Variants in LRRC4C observed in about 807,000 individuals in gnomAD.
The protein encoded by LRRC4C is leucine rich repeat containing 4C.
LRRC4C carries 5 observed loss-of-function variants against 33.6 expected under a neutral mutation model. The ratio of observed to expected loss-of-function variants is 0.15; its 90% CI spans 0.08 to 0.31. The LOEUF (loss-of-function observed/expected upper bound fraction) is 0.31, where lower values mean the gene tolerates loss of function less well. Among genes scored for constraint, LRRC4C ranks in the 10% least tolerant of loss-of-function variants. The pLI, the probability that LRRC4C is intolerant of heterozygous loss-of-function variation, is 1.00. For missense variants in LRRC4C, 560 were observed against 796.7 expected, an observed-to-expected ratio of 0.70 and a Z score of 3.58; for synonymous variants, 329 against 302.0, an observed-to-expected ratio of 1.09 and a Z score of -0.93.
At chr11:40,315,395 A>C (rs1048920467) in intron 4 of LRRC4C, among the ~76,000 whole-genome samples, 1 of 151,924 alleles carries the variant, frequency 6.6e-6, no homozygotes, top group South Asian at 2.1e-4. Flanking sequence ...TTTTAAAACA[A>C]GGAAATATTA....
At chr11:40,390,777 C>A (rs1949303743) in intron 3 of LRRC4C, among the ~76,000 whole-genome samples, 1 of 152,140 alleles carries the variant, frequency 6.6e-6, no homozygotes, top group Non-Finnish European at 1.5e-5. Flanking sequence ...CAGATTCCTG[C>A]CTGCCAAGTG....
chr11:40,556,043 C>A (rs1003185527), intron 3 of LRRC4C, among the ~76,000 whole-genome samples: 1 of 152,116 alleles, frequency 6.6e-6, no homozygotes, highest in Non-Finnish European at 1.5e-5. Context: ...GGTCTTTAGA[C>A]TTTCCTCCAA....
In LRRC4C at chr11:40,432,465, G is replaced by T. The variant is rs570829155; in HGVS notation, c.-269-112744C>A. ...AGAAGCCATTTCATGTTCTCCCTTT[G>T]GTTCTTAACGTATTGCTAAAACTAC... is the stretch of plus-strand genomic sequence containing the variant. On this transcript the variant is annotated intron_variant, in intron 3 of 6. Coordinates refer to ENST00000528697, the MANE Select transcript of LRRC4C (RefSeq NM_001258419.2). Among the ~76,000 whole-genome samples, 290 of 152,234 alleles carry T rather than the reference G, an allele frequency of 1.9e-3. 2 individuals carry two copies. Among genetic ancestry groups the T allele is most frequent in the South Asian group, 0.017 (81 of 4,830 alleles).
At chr11:41,372,065 A>G (rs2137794537) in intron 1 of LRRC4C, among the ~76,000 whole-genome samples, 1 of 152,334 alleles carries the variant, frequency 6.6e-6, no homozygotes, top group South Asian at 2.1e-4. Flanking sequence ...TGAACCCCGG[A>G]GGCAGAAATT....
At chr11:40,241,372 A>T (rs569949057) in intron 5 of LRRC4C, 147 bp downstream of exon 5, 2 of 152,106 alleles carry the variant, frequency 1.3e-5, no homozygotes, top group South Asian at 4.2e-4. Context: ...ACACAACAAA[A>T]CCCTGTCTCA....
At chr11:41,328,862 G>T (rs1159802696) in intron 1 of LRRC4C, among the ~76,000 whole-genome samples, 1 of 152,090 alleles carries the variant, frequency 6.6e-6, no homozygotes, top group Non-Finnish European at 1.5e-5. Context: ...TCATCTTGTG[G>T]TTTGGACATT....
At chr11:41,347,335 A>G (rs1252752465) in intron 1 of LRRC4C, among the ~76,000 whole-genome samples, 1 of 152,188 alleles carries the variant, frequency 6.6e-6, no homozygotes, top group South Asian at 2.1e-4. Context: ...AAGTTAATAC[A>G]GGCATTTAAG....
chr11:41,301,016 G>T (rs1476370912), intron 1 of LRRC4C, among the ~76,000 whole-genome samples: 2 of 152,030 alleles, frequency 1.3e-5, no homozygotes, highest in East Asian at 3.9e-4. Context: ...ATTTTTGTTT[G>T]GATATTAAAA....
chr11:40,240,496 T>A (rs1237565171), intron 5 of LRRC4C, among the ~76,000 whole-genome samples: 2 of 152,154 alleles, frequency 1.3e-5, no homozygotes, highest in African/African-American at 4.8e-5. Context: ...TACTCTTGAA[T>A]CTTTTGCCTT....
rs113562594 is a variant in LRRC4C, at chr11:40,346,351, A to G, written c.-269-26630T>C. Among the ~76,000 whole-genome samples, 22 of 152,346 alleles carry G rather than the reference A, an allele frequency of 1.4e-4. No individual in the cohort carries two copies. The South Asian group carries it at 3.9e-3, about 27-fold the overall frequency. ...AAAGAAAATGTGATACATATACACC[A>G]TAGAATACTGTGCAGCCATAAAAAT... On this transcript the variant is annotated intron_variant, in intron 3 of 6. Transcript: ENST00000528697.
At chr11:40,861,548 A>C (rs886572888) in intron 2 of LRRC4C, among the ~76,000 whole-genome samples, 5 of 152,200 alleles carry the variant, frequency 3.3e-5, no homozygotes, top group African/African-American at 1.2e-4. Flanking sequence ...CGAAGGAGTA[A>C]GATCAGGAGT....
At chr11:41,238,615 A>C (rs1226304219) in intron 1 of LRRC4C, among the ~76,000 whole-genome samples, 3 of 152,254 alleles carry the variant, frequency 2.0e-5, no homozygotes, top group Non-Finnish European at 4.4e-5. Flanking sequence ...TGAGATAATA[A>C]ATTAAGAACC....
At chr11:41,444,527 G>A (rs550739201) in intron 1 of LRRC4C, among the ~76,000 whole-genome samples, 9 of 152,294 alleles carry the variant, frequency 5.9e-5, no homozygotes, top group Admixed American at 4.6e-4. Flanking sequence ...CTATTAGCTT[G>A]TATGTGGTGG....
At chr11:41,214,377 C>A (rs1437954406) in intron 1 of LRRC4C, among the ~76,000 whole-genome samples, 2 of 151,814 alleles carry the variant, frequency 1.3e-5, no homozygotes, top group African/African-American at 4.8e-5. Flanking sequence ...TTGCCTGGTT[C>A]TTAAACAATA....
At chr11:40,876,380 C>T (rs559930768) in intron 2 of LRRC4C, among the ~76,000 whole-genome samples, 1 of 149,546 alleles carries the variant, frequency 6.7e-6, no homozygotes, top group South Asian at 2.1e-4. Context: ...TTCAAAGTCC[C>T]TGATAATGTT....
chr11:41,235,608 A>G (rs1947986450), intron 1 of LRRC4C, among the ~76,000 whole-genome samples: 1 of 152,162 alleles, frequency 6.6e-6, no homozygotes, highest in Non-Finnish European at 1.5e-5. Context: ...AACAACCAGT[A>G]CGTCTGAAAA....
At chr11:40,953,243 AT>A (rs544250400) in intron 1 of LRRC4C, among the ~76,000 whole-genome samples, 48 of 152,082 alleles carry the variant, frequency 3.2e-4, no homozygotes, top group African/African-American at 1.2e-3. Context: ...ATACAAAAAA[AT>A]AATTATTCGA....
intron 1 of LRRC4C, among the ~76,000 whole-genome samples, chr11:41,358,557 T>C (rs1410228144): frequency 2.0e-5 from 3 of 152,070 alleles, no homozygotes; most frequent in African/African-American, 7.2e-5. Context: ...AACAACTCAA[T>C]TAAAAAATGA....
chr11:41,270,512 G>A (rs1949285705), intron 1 of LRRC4C, among the ~76,000 whole-genome samples: 1 of 152,072 alleles, frequency 6.6e-6, no homozygotes, highest in Non-Finnish European at 1.5e-5. Flanking sequence ...CACTTAAAAA[G>A]GCAGGGTCTG....
Sources: gnomAD v4.1 joint callset for allele counts (sites outside exome capture counted in the v4.1 genomes callset) on GRCh38, gnomAD v4.1.1 for gene constraint, MANE v1.5 for transcripts, NCBI Gene and HGNC (gene_info 2026-07-23, HGNC 2026-07-21) for gene names.